Variants in RIMBP2 observed in about 807,000 individuals in gnomAD.
The protein encoded by RIMBP2 is RIMS binding protein 2, also known as RIMS-binding protein 2.
In RIMBP2, 48 loss-of-function variants were observed where a neutral mutation model predicts 118.6. The observed-to-expected ratio is 0.40, with a 90% CI of 0.32 to 0.51. RIMBP2 has a LOEUF of 0.51. Among genes scored for constraint, RIMBP2 ranks in the 20% least tolerant of loss-of-function variants. RIMBP2 has a pLI of 0.41. For missense variants in RIMBP2, 1,551 were observed against 1,768.3 expected, an observed-to-expected ratio of 0.88 and a Z score of 2.20; for synonymous variants, 762 against 742.9, an observed-to-expected ratio of 1.03 and a Z score of -0.42.
At chr12:130,417,677 G>C (rs2076178846) in intron 17 of RIMBP2, among the ~76,000 whole-genome samples, 2 of 152,192 alleles carry the variant, frequency 1.3e-5, no homozygotes, top group South Asian at 4.1e-4. Context: ...TCAGCATTCT[G>C]CACTATACCC....
intron 2 of RIMBP2, among the ~76,000 whole-genome samples, chr12:130,624,850 A>G (rs2140886188): frequency 6.6e-6 from 1 of 152,168 alleles, no homozygotes; most frequent in Admixed American, 6.5e-5. Flanking sequence ...TCAGCCTCCC[A>G]AGTAGTTGGG....
intron 2 of RIMBP2, among the ~76,000 whole-genome samples, chr12:130,573,842 C>T (rs569864228): frequency 3.9e-5 from 6 of 152,218 alleles, no homozygotes; most frequent in African/African-American, 1.2e-4. Context: ...TGGCTGTCCA[C>T]ACAGAAATCC....
rs1373466184 is a variant in RIMBP2, at chr12:130,617,450, G to A, written c.-217+10872C>T. 6.6e-6 allele frequency among the ~76,000 whole-genome samples: 1 copy of A among 152,222 alleles called. No individual in the cohort carries two copies. The highest frequency in any genetic ancestry group is 2.4e-5 in the African/African-American group (1 of 41,458). ...CACATTGCCCTGGGGCACCAGCTGA[G>A]AGTTCAGTCAATGCTGTGGCCCCAC... On this transcript the variant is annotated intron_variant, in intron 2 of 22. Transcript: ENST00000690449. The surrounding 1 kb of genome is among the most constrained non-coding windows in gnomAD (Gnocchi z 4.6).
intron 3 of RIMBP2, among the ~76,000 whole-genome samples, chr12:130,510,468 T>C (rs2050798110): frequency 1.3e-5 from 2 of 152,026 alleles, no homozygotes; most frequent in South Asian, 4.2e-4. Context: ...CCAATGACAT[T>C]TACTCTTTCT....
chr12:130,399,935 G>A (rs1244976935), intron 21 of RIMBP2, 122 bp from the exon 22 acceptor site: 8 of 1,141,180 alleles, frequency 7.0e-6, no homozygotes, highest in Admixed American at 2.5e-5. Flanking sequence ...GTTCAAAAGT[G>A]GCAGGACTTG....
chr12:130,482,024 G>C (rs1447509510), intron 4 of RIMBP2, among the ~76,000 whole-genome samples: 2 of 151,866 alleles, frequency 1.3e-5, no homozygotes, highest in Non-Finnish European at 2.9e-5. Flanking sequence ...GGAGGACGGG[G>C]ACAAGCCACC....
At chr12:130,602,987 G>T (rs2059960823) in intron 2 of RIMBP2, among the ~76,000 whole-genome samples, 1 of 152,126 alleles carries the variant, frequency 6.6e-6, no homozygotes, top group African/African-American at 2.4e-5. Flanking sequence ...TTGCAGCACT[G>T]GTCAGTGAAG....
At chr12:130,495,577 A>G (rs2049069537) in intron 4 of RIMBP2, among the ~76,000 whole-genome samples, 1 of 152,122 alleles carries the variant, frequency 6.6e-6, no homozygotes, top group Non-Finnish European at 1.5e-5. Context: ...CTCCCACCCC[A>G]GTAGAAGGTA....
intron 1 of RIMBP2, among the ~76,000 whole-genome samples, chr12:130,687,593 C>G (rs1339484139): frequency 6.6e-6 from 1 of 152,114 alleles, no homozygotes; most frequent in East Asian, 1.9e-4. Context: ...TTCTAGGTGA[C>G]TGGGCATTGA....
At chr12:130,664,447 G>GCACGCACGCACACACACGTGCACGCACA (rs2063823662) in intron 1 of RIMBP2, among the ~76,000 whole-genome samples, 3 of 122,408 alleles carry the variant, frequency 2.5e-5, no homozygotes, top group Admixed American at 8.3e-5. Context: ...ACGCACACAC[G>GCACGCACGCACACACACGTGCACGCACA]CACACACATG....
chr12:130,552,425 T>C (rs2055889721), intron 2 of RIMBP2, among the ~76,000 whole-genome samples: 2 of 152,220 alleles, frequency 1.3e-5, no homozygotes, highest in Non-Finnish European at 2.9e-5. Context: ...AAGACAATTA[T>C]ATAACTGCAA....
intron 1 of RIMBP2, among the ~76,000 whole-genome samples, chr12:130,659,108 T>C (rs2063546294): frequency 6.6e-6 from 1 of 152,174 alleles, no homozygotes; most frequent in African/African-American, 2.4e-5. Context: ...AAGAGTGGGC[T>C]CACCCAGTGC....
chr12:130,634,987 A>G (rs1314241864), intron 1 of RIMBP2, among the ~76,000 whole-genome samples: 1 of 151,854 alleles, frequency 6.6e-6, no homozygotes, highest in Non-Finnish European at 1.5e-5. Context: ...CAGAGCACAC[A>G]AAAAAAAGGG....
chr12:130,678,698 A>G (rs901591177), intron 1 of RIMBP2, among the ~76,000 whole-genome samples: 4 of 152,106 alleles, frequency 2.6e-5, no homozygotes, highest in African/African-American at 9.7e-5. Context: ...TTGTATTTTT[A>G]GTAGAGACGG....
At chr12:130,570,283 G>A (rs983027028) in intron 2 of RIMBP2, among the ~76,000 whole-genome samples, 1 of 152,060 alleles carries the variant, frequency 6.6e-6, no homozygotes, top group African/African-American at 2.4e-5. Context: ...AAAATTAGCC[G>A]GGTATGGTGG....
chr12:130,684,155 T>C (rs60696979), intron 1 of RIMBP2, among the ~76,000 whole-genome samples: 3,563 of 152,278 alleles, frequency 0.023, 140 homozygotes, highest in African/African-American at 0.08. Flanking sequence ...CCCTTTCTAT[T>C]GATTCCAGGT....
intron 1 of RIMBP2, among the ~76,000 whole-genome samples, chr12:130,691,770 T>C (rs1410030796): frequency 6.6e-6 from 1 of 152,154 alleles, no homozygotes; most frequent in Non-Finnish European, 1.5e-5. Context: ...GTGCAGCACA[T>C]GGTAGGGGTG....
chr12:130,690,767 A>G (rs1413545050), intron 1 of RIMBP2, among the ~76,000 whole-genome samples: 1 of 152,180 alleles, frequency 6.6e-6, no homozygotes, highest in Non-Finnish European at 1.5e-5. Flanking sequence ...CTCGGGGTGG[A>G]ATATGATTTC....
At chr12:130,515,728 T>G (rs368631742) in intron 3 of RIMBP2, among the ~76,000 whole-genome samples, 9 of 152,136 alleles carry the variant, frequency 5.9e-5, no homozygotes, top group East Asian at 5.8e-4. Context: ...GACTGAGTTT[T>G]GCTCTGTTGC....
Sources: allele counts gnomAD v4.1 joint callset (sites outside exome capture counted in the v4.1 genomes callset), GRCh38; gene constraint gnomAD v4.1.1; non-coding constraint Gnocchi (gnomAD v3.1); transcripts MANE v1.5; gene names NCBI Gene and HGNC (gene_info 2026-07-23, HGNC 2026-07-21).